Variants in LINGO2 observed in about 807,000 individuals in gnomAD.
LINGO2 encodes leucine-rich repeat and immunoglobulin-like domain-containing nogo receptor-interacting protein 2.
In LINGO2, 14 loss-of-function variants were observed where a neutral mutation model predicts 30.6. The observed-to-expected ratio is 0.46, with a 90% CI of 0.30 to 0.72. The LOEUF is 0.72. Ranked by LOEUF, LINGO2 falls within the 30% of genes least tolerant of loss-of-function variation. The pLI is 0.07. For synonymous variants in LINGO2, 317 were observed against 288.5 expected (o/e 1.10, Z -1.00); for missense variants, 729 against 751.7 (o/e 0.97, Z 0.35).
chr9:28,857,787 T>C, the LINGO2 span, among the ~76,000 whole-genome samples: 1 of 152,062 alleles, frequency 6.6e-6, no homozygotes, highest in African/African-American at 2.4e-5. Context: ...TTTACACTGA[T>C]TAAATGTAAA....
chr9:28,617,313 C>CTTTTTTTTTTTTTTTTTTTTTTTTTTTTT (rs1563867137), intron 1 of LINGO2, among the ~76,000 whole-genome samples: 5 of 141,640 alleles, frequency 3.5e-5, no homozygotes, highest in African/African-American at 1.1e-4. Flanking sequence ...TTTTTTTTTT[C>CTTTTTTTTTTTTTTTTTTTTTTTTTTTTT]GAGACAGAGT....
chr9:29,151,032 A>T, the LINGO2 span, among the ~76,000 whole-genome samples: 1 of 152,140 alleles, frequency 6.6e-6, no homozygotes, highest in Non-Finnish European at 1.5e-5. Context: ...GGCACTTACA[A>T]AGTGAGTCCC....
chr9:28,776,850 C>T, the LINGO2 span, among the ~76,000 whole-genome samples: 1 of 150,348 alleles, frequency 6.7e-6, no homozygotes, highest in African/African-American at 2.4e-5. Context: ...TTTCAGTCAA[C>T]TTGTCAGACA....
At chr9:28,760,425 C>G in the LINGO2 span, among the ~76,000 whole-genome samples, 1 of 151,936 alleles carries the variant, frequency 6.6e-6, no homozygotes, top group Non-Finnish European at 1.5e-5. Flanking sequence ...GAAAGGGAAA[C>G]AAGATTTTCA....
chr9:28,031,960 T>G (rs7027488), intron 4 of LINGO2, among the ~76,000 whole-genome samples: 1 of 151,612 alleles, frequency 6.6e-6, no homozygotes, highest in Admixed American at 6.6e-5. Flanking sequence ...GCAGTACCTA[T>G]TAAAAGTTGT....
rs1027087782 is a variant in LINGO2 at position 28,012,941 on chromosome 9, G to C, written c.-86-536C>G. Reference sequence around the variant, plus strand: ...GCAGCGCTTGTTAAGACAGATTCCTGAGCTCCATCCTGATTCTGATTGCGG... The same window carrying C: ...GCAGCGCTTGTTAAGACAGATTCCTCAGCTCCATCCTGATTCTGATTGCGG... On this transcript the variant is annotated intron_variant, in intron 4 of 5. Transcript: ENST00000379992. Among the ~76,000 whole-genome samples, 6 of 152,228 alleles carry C rather than the reference G, an allele frequency of 3.9e-5. 1 individual carries two copies. Among genetic ancestry groups the C allele is most frequent in the African/African-American group, 1.4e-4 (6 of 41,536 alleles).
chr9:28,415,347 T>G (rs942966633), intron 2 of LINGO2, among the ~76,000 whole-genome samples: 1 of 152,182 alleles, frequency 6.6e-6, no homozygotes, highest in Non-Finnish European at 1.5e-5. Flanking sequence ...ATGTTTTTGA[T>G]GACAACAGGC....
At chr9:28,411,925 C>T (rs1445073425) in intron 2 of LINGO2, among the ~76,000 whole-genome samples, 1 of 151,998 alleles carries the variant, frequency 6.6e-6, no homozygotes, top group Non-Finnish European at 1.5e-5. Flanking sequence ...CTTGCCAAAA[C>T]TTGTTATTTT....
the LINGO2 span, among the ~76,000 whole-genome samples, chr9:28,803,935 A>C: frequency 2.0e-5 from 3 of 152,052 alleles, no homozygotes; most frequent in African/African-American, 7.2e-5. Context: ...TTTTCTTCAA[A>C]GAATTATAAA....
At chr9:28,547,660 A>C (rs1326881283) in intron 1 of LINGO2, among the ~76,000 whole-genome samples, 2 of 152,172 alleles carry the variant, frequency 1.3e-5, no homozygotes, top group African/African-American at 4.8e-5. Context: ...AATGAAATAC[A>C]GTGCTAACAA....
the LINGO2 span, among the ~76,000 whole-genome samples, chr9:29,039,858 G>C: frequency 6.6e-6 from 1 of 152,080 alleles, no homozygotes; most frequent in South Asian, 2.1e-4. Flanking sequence ...GGTAGGACAG[G>C]CACTGGTGAA....
At position 28,440,105 on chromosome 9, in the gene LINGO2, G is replaced by A. The variant is rs1457526794; in HGVS notation, c.-279+35835C>T. Among the ~76,000 whole-genome samples the A allele has an allele frequency of 8.3e-3, 1,257 of 152,182 alleles. 18 individuals carry two copies. Among genetic ancestry groups the A allele is most frequent in the African/African-American group, 0.027 (1,127 of 41,524 alleles). On this transcript the variant is annotated intron_variant, in intron 2 of 5. Coordinates refer to ENST00000379992, the Ensembl canonical transcript of LINGO2. The stretch of plus-strand genomic sequence containing the variant: ...TAACTTAATACCTTGTTTTTACACA[G>A]TGTCTTGTTTTTACACAGTGACATT...
At chr9:28,099,031 C>A (rs1326578040) in intron 4 of LINGO2, among the ~76,000 whole-genome samples, 1 of 152,114 alleles carries the variant, frequency 6.6e-6, no homozygotes, top group African/African-American at 2.4e-5. Context: ...CTTCAGGTCA[C>A]ATTGATTCTG....
chr9:28,806,319 A>C, the LINGO2 span, among the ~76,000 whole-genome samples: 1 of 152,324 alleles, frequency 6.6e-6, no homozygotes, highest in African/African-American at 2.4e-5. Context: ...ATATGAGAAA[A>C]GCTGCTGCCT....
the LINGO2 span, among the ~76,000 whole-genome samples, chr9:29,188,447 T>G: frequency 6.6e-6 from 1 of 152,222 alleles, no homozygotes; most frequent in Admixed American, 6.5e-5. Flanking sequence ...AACCATCCGA[T>G]TTCTCAATCT....
At chr9:28,026,790 C>T (rs959465907) in intron 4 of LINGO2, among the ~76,000 whole-genome samples, 1 of 152,184 alleles carries the variant, frequency 6.6e-6, no homozygotes, top group African/African-American at 2.4e-5. Flanking sequence ...CTCTTGGCTA[C>T]CATTCTCTGC....
At chr9:28,151,145 T>A (rs1827988660) in intron 4 of LINGO2, among the ~76,000 whole-genome samples, 1 of 152,134 alleles carries the variant, frequency 6.6e-6, no homozygotes, top group Non-Finnish European at 1.5e-5. Flanking sequence ...AAAACCTAAA[T>A]AAGACCCAAC....
At chr9:27,960,455 A>G (rs989606845) in intron 5 of LINGO2, among the ~76,000 whole-genome samples, 1 of 152,128 alleles carries the variant, frequency 6.6e-6, no homozygotes, top group Non-Finnish European at 1.5e-5. Flanking sequence ...TTGCAGCTAT[A>G]ATTTCCCCAC....
intron 1 of LINGO2, among the ~76,000 whole-genome samples, chr9:28,479,939 A>AGG (rs1266825691): frequency 5.7e-4 from 75 of 130,828 alleles, no homozygotes; most frequent in Admixed American, 2.5e-3. Context: ...ATATATATAT[A>AGG]TATATATATA....
Sources: allele counts gnomAD v4.1 joint callset (sites outside exome capture counted in the v4.1 genomes callset), GRCh38; gene constraint gnomAD v4.1.1; transcripts MANE v1.5; gene names NCBI Gene and HGNC (gene_info 2026-07-23, HGNC 2026-07-21).